Variants in TTC23L observed in about 807,000 individuals in gnomAD.
TTC23L encodes tetratricopeptide repeat domain 23 like, also known as tetratricopeptide repeat protein 23-like.
Under a neutral mutation model 48.1 loss-of-function variants are expected in TTC23L, and 42 were observed. The ratio of observed to expected loss-of-function variants is 0.87; its 90% CI spans 0.68 to 1.13. The LOEUF (loss-of-function observed/expected upper bound fraction) is 1.13, where lower values mean the gene tolerates loss of function less well. Among genes scored for constraint, TTC23L ranks in the 50% most tolerant of loss-of-function variants. TTC23L has a pLI of 0.00. For missense variants in TTC23L, 391 were observed against 421.0 expected (o/e 0.93, Z 0.62); for synonymous variants, 159 against 157.2 (o/e 1.01, Z -0.09).
chr5:34,883,556 A>C (rs1762373883), intron 9 of TTC23L: 1 of 154,684 alleles, frequency 6.5e-6, no homozygotes, highest in Non-Finnish European at 1.5e-5. Flanking sequence ...AAGAGAGAAG[A>C]CTAAAATAAA....
chr5:34,892,004 C>T lies in TTC23L; in HGVS notation c.1078-4766C>T, dbSNP rs188997254. ...GAGTCTTTTAAGGACTTTGCTGTGG[C>T]AGAAGGTTTTTCTTTCCCTGAAACA... On this transcript the variant is annotated intron_variant, in intron 9 of 10. Coordinates refer to ENST00000505624, the Ensembl canonical transcript of TTC23L. 2.0e-5 allele frequency among the ~76,000 whole-genome samples: 3 copies of T among 152,296 alleles called. No homozygotes were observed. The East Asian group carries it at 5.8e-4, about 29-fold the overall frequency.
chr5:34,913,672 A>G, the TTC23L span: 1 of 706,204 alleles, frequency 1.4e-6, no homozygotes, highest in Non-Finnish European at 2.4e-6. Context: ...TAAAAAATAC[A>G]ATACTGTGCT....
downstream of TTC23L, among the ~76,000 whole-genome samples, chr5:34,901,434 G>A (rs942013553): frequency 2.6e-5 from 4 of 152,154 alleles, no homozygotes; most frequent in African/African-American, 4.8e-5. Context: ...GTCATAACAT[G>A]TTCAAAGTCA....
chr5:34,873,126 TA>T (rs1407992166), intron 8 of TTC23L, among the ~76,000 whole-genome samples: 2 of 152,166 alleles, frequency 1.3e-5, no homozygotes, highest in Non-Finnish European at 2.9e-5. Context: ...GTTAATTTTT[TA>T]AAAGTATTAA....
chr5:34,864,508 G>T, exon 6 of TTC23L: 1 of 1,613,896 alleles, frequency 6.2e-7, no homozygotes, highest in Non-Finnish European at 8.5e-7. Context: ...TTATATAAAG[G>T]AGGTGTTTGT....
the TTC23L span, chr5:34,916,083 G>T: frequency 1.6e-6 from 1 of 621,292 alleles, no homozygotes; most frequent in East Asian, 3.4e-5. Flanking sequence ...GCACGTGGCC[G>T]TCTTCCTGGA....
chr5:34,849,605 T>A (rs1334639648), intron 3 of TTC23L, among the ~76,000 whole-genome samples: 2 of 152,244 alleles, frequency 1.3e-5, no homozygotes, highest in East Asian at 3.9e-4. Flanking sequence ...AGATAAGGAA[T>A]TATTGTTAAT....
intron 3 of TTC23L, among the ~76,000 whole-genome samples, chr5:34,846,802 C>T (rs140658552): frequency 1.6e-3 from 241 of 150,978 alleles, no homozygotes; most frequent in African/African-American, 5.5e-3. Context: ...GCAGGCAGGT[C>T]TAAGCTCTGG....
Position 34,896,047 on chromosome 5 carries a change from A to T in TTC23L, c.1078-723A>T, listed in dbSNP as rs113858937. On this transcript the variant is annotated intron_variant, in intron 9 of 10. Transcript: ENST00000505624. ...CAAACAAGGGGCAGCAGCTTTTCCA[A>T]ATCAGGATTCTAGGACTAGCTGGAG... 7.2e-5 allele frequency among the ~76,000 whole-genome samples: 11 copies of T among 152,332 alleles called. 1 individual carries two copies. The highest frequency in any genetic ancestry group is 2.6e-4 in the African/African-American group (11 of 41,572).
At chr5:34,914,376 T>C in the TTC23L span, 3 of 337,214 alleles carry the variant, frequency 8.9e-6, no homozygotes, top group African/African-American at 2.1e-5. Flanking sequence ...TACAGGACTA[T>C]TGTTAAGATT....
chr5:34,888,952 A>G (rs1398092763), intron 9 of TTC23L, among the ~76,000 whole-genome samples: 1 of 152,204 alleles, frequency 6.6e-6, no homozygotes, highest in Admixed American at 6.5e-5. Flanking sequence ...TTTAGGATAC[A>G]GTTGTCTCCA....
intron 8 of TTC23L, among the ~76,000 whole-genome samples, chr5:34,875,955 A>T (rs1761806092): frequency 6.6e-6 from 1 of 152,228 alleles, no homozygotes; most frequent in African/African-American, 2.4e-5. Flanking sequence ...CCACAGTGGA[A>T]TTAAACTAGA....
intron 9 of TTC23L, among the ~76,000 whole-genome samples, chr5:34,887,742 G>C (rs1411572448): frequency 1.1e-4 from 16 of 152,050 alleles, no homozygotes; most frequent in Non-Finnish European, 2.2e-4. Flanking sequence ...TTGGTATGCA[G>C]GACAAAGTAG....
At chr5:34,911,338 C>T in the TTC23L span, among the ~76,000 whole-genome samples, 6 of 152,192 alleles carry the variant, frequency 3.9e-5, no homozygotes, top group Admixed American at 6.5e-5. Context: ...GGCTTCTCAT[C>T]TAGATGCCAC....
Position 34,863,151 on chromosome 5 carries a change from G to A in TTC23L, c.536+97G>A. On this transcript the variant is annotated intron_variant, in intron 5 of 10. Coordinates refer to ENST00000505624, the Ensembl canonical transcript of TTC23L. The surrounding 1 kb of genome is among the most constrained non-coding windows in gnomAD (Gnocchi z 4.1). ...ACAGGAGGGTGGGAGATGGAACCAA[G>A]GCCTTGTAGATCTGTTCCAACATCA... The A allele has an allele frequency of 6.7e-7, 1 of 1,501,646 alleles. No individual in the cohort carries two copies. The highest frequency in any genetic ancestry group is 1.2e-5 in the South Asian group (1 of 80,328). The allele number at this position is 1,501,646 out of a possible 1,614,324, so 93.0% of individuals were successfully genotyped here. A position where few individuals can be genotyped will look rare whatever the true frequency, so the allele number is the denominator to read the frequency against.
the TTC23L span, chr5:34,918,709 T>A: frequency 2.7e-6 from 1 of 368,202 alleles, no homozygotes; most frequent in South Asian, 6.5e-5. Context: ...TATTGAAACA[T>A]TTCTTGAAGG....
At chr5:34,918,539 CTTATT>C in the TTC23L span, 22 of 935,538 alleles carry the variant, frequency 2.4e-5, no homozygotes, top group African/African-American at 3.8e-4. Context: ...TATGTTTTCA[CTTATT>C]TTATATATTC....
chr5:34,911,332 T>C, the TTC23L span, among the ~76,000 whole-genome samples: 1 of 152,172 alleles, frequency 6.6e-6, no homozygotes, highest in Admixed American at 6.5e-5. Context: ...GGACTGGGCT[T>C]CTCATCTAGA....
At chr5:34,899,657 G>T (rs147667883), downstream of TTC23L, among the ~76,000 whole-genome samples, 180 of 152,260 alleles carry the variant, frequency 1.2e-3, no homozygotes, top group African/African-American at 4.2e-3. Flanking sequence ...TTGGGAGGCC[G>T]AGGCAGGCCA....
Sources: gnomAD v4.1 joint callset for allele counts (sites outside exome capture counted in the v4.1 genomes callset) on GRCh38, gnomAD v4.1.1 for gene constraint, Gnocchi (gnomAD v3.1) non-coding constraint, MANE v1.5 for transcripts, NCBI Gene and HGNC (gene_info 2026-07-23, HGNC 2026-07-21) for gene names.